Variants in MLLT3 observed in about 807,000 individuals in gnomAD.
The protein encoded by MLLT3 is protein AF-9.
A neutral mutation model predicts 53.2 loss-of-function variants in MLLT3; 4 were observed. That is an observed-to-expected ratio of 0.08 (90% CI 0.04 to 0.17). MLLT3 has a LOEUF of 0.17. Ranked by LOEUF, MLLT3 falls within the 10% of genes least tolerant of loss-of-function variation. The pLI is 1.00. For missense variants in MLLT3, 569 were observed against 684.0 expected, an observed-to-expected ratio of 0.83 and a Z score of 1.87; for synonymous variants, 283 against 230.6, an observed-to-expected ratio of 1.23 and a Z score of -2.06.
intron 2 of MLLT3, among the ~76,000 whole-genome samples, chr9:20,470,817 T>A (rs181592931): frequency 2.4e-4 from 37 of 152,162 alleles, no homozygotes; most frequent in Admixed American, 2.0e-3. Flanking sequence ...TGATGCTTTA[T>A]GTATAAATAC....
intron 2 of MLLT3, among the ~76,000 whole-genome samples, chr9:20,512,833 C>A (rs1817788914): frequency 6.6e-6 from 1 of 152,222 alleles, no homozygotes; most frequent in Non-Finnish European, 1.5e-5. Flanking sequence ...ACTAAGCATG[C>A]AGTTTGCAGA....
intron 2 of MLLT3, among the ~76,000 whole-genome samples, chr9:20,594,937 T>C (rs1351147457): frequency 6.6e-6 from 1 of 152,152 alleles, no homozygotes; most frequent in Non-Finnish European, 1.5e-5. Context: ...GTTTAGCATA[T>C]AATCAAGAAA....
intron 2 of MLLT3, among the ~76,000 whole-genome samples, chr9:20,537,177 T>G (rs538409852): frequency 6.6e-6 from 1 of 152,280 alleles, no homozygotes; most frequent in Admixed American, 6.5e-5. Flanking sequence ...TTATACATTC[T>G]GAAATAGGTT....
chr9:20,540,743 TTCCC>T (rs1353305814), intron 2 of MLLT3, among the ~76,000 whole-genome samples: 2 of 152,238 alleles, frequency 1.3e-5, no homozygotes, highest in Non-Finnish European at 2.9e-5. Context: ...TGGGGGCATT[TTCCC>T]TAATGTCTTG....
intron 5 of MLLT3, among the ~76,000 whole-genome samples, chr9:20,368,039 C>T (rs2118659657): frequency 6.6e-6 from 1 of 152,334 alleles, no homozygotes; most frequent in East Asian, 1.9e-4. Flanking sequence ...GACAGGATCT[C>T]TAATGAGCAG....
At chr9:20,577,673 G>A (rs1819688591) in intron 2 of MLLT3, among the ~76,000 whole-genome samples, 1 of 152,178 alleles carries the variant, frequency 6.6e-6, no homozygotes. Flanking sequence ...GCCAGACACA[G>A]CCATGACAGA....
intron 2 of MLLT3, among the ~76,000 whole-genome samples, chr9:20,466,749 T>C (rs1270926765): frequency 6.6e-6 from 1 of 152,126 alleles, no homozygotes; most frequent in East Asian, 1.9e-4. Context: ...GGGACAAATA[T>C]AAGAGCACAA....
rs191784536 is a variant in MLLT3, at chr9:20,463,425, C to A, written c.194-6639G>T. 4.0e-3 allele frequency among the ~76,000 whole-genome samples: 609 copies of A among 152,238 alleles called. 17 individuals carry two copies. The South Asian group carries it at 0.056, about 14-fold the overall frequency. ...AGGGAATATAACAGCTATGTTAAAA[C>A]AGGACTGCTTTCACAATCATTTCTT... On this transcript the variant is annotated intron_variant, in intron 2 of 10. Transcript: ENST00000380338.
At chr9:20,401,590 A>AC (rs1261952107) in intron 5 of MLLT3, among the ~76,000 whole-genome samples, 1 of 152,170 alleles carries the variant, frequency 6.6e-6, no homozygotes, top group African/African-American at 2.4e-5. Flanking sequence ...CAGCTAGAGC[A>AC]CCGGTCATCA....
intron 2 of MLLT3, among the ~76,000 whole-genome samples, chr9:20,547,449 G>T (rs1356322182): frequency 1.3e-5 from 2 of 151,818 alleles, no homozygotes; most frequent in African/African-American, 4.8e-5. Flanking sequence ...TTTACAACCA[G>T]CCCGGCCAAC....
intron 4 of MLLT3, 44 bp from the exon 5 acceptor site, chr9:20,414,469 G>C (rs1822823994): frequency 1.9e-6 from 3 of 1,593,978 alleles, no homozygotes; most frequent in African/African-American, 2.7e-5. Context: ...AAACTAAATA[G>C]CAATGAAGAG....
chr9:20,400,681 C>T (rs1486049163), intron 5 of MLLT3, among the ~76,000 whole-genome samples: 2 of 151,572 alleles, frequency 1.3e-5, no homozygotes, highest in Admixed American at 1.3e-4. Flanking sequence ...GAAGGGTTTA[C>T]TATTTTGTGT....
chr9:20,499,072 T>A (rs916373065), intron 2 of MLLT3, among the ~76,000 whole-genome samples: 5 of 152,192 alleles, frequency 3.3e-5, no homozygotes, highest in African/African-American at 1.2e-4. Context: ...TTGCTGGCAA[T>A]CTTTGAAATG....
chr9:20,545,228 T>C (rs1818755928), intron 2 of MLLT3, among the ~76,000 whole-genome samples: 1 of 152,138 alleles, frequency 6.6e-6, no homozygotes, highest in South Asian at 2.1e-4. Flanking sequence ...AGTGGAATGT[T>C]ATTGAGTCTT....
chr9:20,615,442 A>G (rs1315543990), intron 2 of MLLT3, among the ~76,000 whole-genome samples: 1 of 150,316 alleles, frequency 6.7e-6, no homozygotes, highest in Non-Finnish European at 1.5e-5. Context: ...GAAAAACCCA[A>G]GTTTAAATTA....
At chr9:20,384,766 C>T (rs1351522842) in intron 5 of MLLT3, among the ~76,000 whole-genome samples, 1 of 152,042 alleles carries the variant, frequency 6.6e-6, no homozygotes, top group African/African-American at 2.4e-5. Context: ...ATAGAGTCAT[C>T]AAATCTACAG....
intron 4 of MLLT3, among the ~76,000 whole-genome samples, chr9:20,436,937 C>T (rs777088885): frequency 3.3e-5 from 5 of 152,044 alleles, no homozygotes; most frequent in African/African-American, 1.2e-4. Flanking sequence ...TCAAGTCATC[C>T]TCACAACTAC....
chr9:20,427,067 C>A (rs987384320), intron 4 of MLLT3, among the ~76,000 whole-genome samples: 1 of 152,024 alleles, frequency 6.6e-6, no homozygotes, highest in Admixed American at 6.6e-5. Flanking sequence ...CAATGTTCAC[C>A]TAAATCAAAT....
At chr9:20,471,290 A>G (rs371685493) in intron 2 of MLLT3, among the ~76,000 whole-genome samples, 2 of 152,062 alleles carry the variant, frequency 1.3e-5, no homozygotes, top group African/African-American at 4.8e-5. Context: ...TAATAATAAG[A>G]AAAATCTTTA....
Sources: gnomAD v4.1 joint callset for allele counts (sites outside exome capture counted in the v4.1 genomes callset) on GRCh38, gnomAD v4.1.1 for gene constraint, MANE v1.5 for transcripts, NCBI Gene and HGNC (gene_info 2026-07-23, HGNC 2026-07-21) for gene names.